The following PDE8B variants were observed in gnomAD, a reference collection of about 807,000 sequenced individuals.
The protein encoded by PDE8B is high affinity cAMP-specific and IBMX-insensitive 3',5'-cyclic phosphodiesterase 8B.
Under a neutral mutation model 101.3 loss-of-function variants are expected in PDE8B, and 26 were observed. That is an observed-to-expected ratio of 0.26 (90% confidence interval 0.19 to 0.36). PDE8B has a LOEUF of 0.36. Ranked by LOEUF, PDE8B falls within the 10% of genes least tolerant of loss-of-function variation. The probability of loss-of-function intolerance (pLI) is 1.00; values close to 1 mark genes in which losing one functional copy is unlikely to be tolerated. For synonymous variants in PDE8B, 424 were observed against 429.3 expected, an observed-to-expected ratio of 0.99 and a Z score of 0.15; for missense variants, 810 against 1,163.1, an observed-to-expected ratio of 0.70 and a Z score of 4.42.
At chr5:77,128,701 T>G in the PDE8B span, among the ~76,000 whole-genome samples, 1 of 152,246 alleles carries the variant, frequency 6.6e-6, no homozygotes, top group Non-Finnish European at 1.5e-5. Context: ...TGGAGCCAAG[T>G]GTCAGCACAC....
chr5:77,350,706 C>G (rs971143221), intron 8 of PDE8B, among the ~76,000 whole-genome samples: 3 of 152,164 alleles, frequency 2.0e-5, no homozygotes, highest in Non-Finnish European at 4.4e-5. Context: ...GTTTACCCAC[C>G]TGTAAATTTA....
At chr5:77,290,532 A>G in intron 1 of PDE8B, 2 of 1,477,102 alleles carry the variant, frequency 1.4e-6, no homozygotes, top group Non-Finnish European at 1.9e-6. Flanking sequence ...AGTAAGACAG[A>G]TTGACGATGC....
At chr5:77,259,066 A>G (rs1388299542) in intron 1 of PDE8B, among the ~76,000 whole-genome samples, 2 of 64,722 alleles carry the variant, frequency 3.1e-5, no homozygotes, top group African/African-American at 6.1e-5. Context: ...ACACACACAC[A>G]CACCCCCGCC....
the PDE8B span, among the ~76,000 whole-genome samples, chr5:77,091,135 G>A: frequency 6.6e-6 from 1 of 152,128 alleles, no homozygotes. Flanking sequence ...ATGTCATTTT[G>A]ACTTGCAATT....
Position 77,406,320 on chromosome 5 carries a change from A to G in PDE8B, c.1289-1061A>G, listed in dbSNP as rs766259399. Among the ~76,000 whole-genome samples the G allele has an allele frequency of 2.0e-5, 3 of 152,238 alleles. 1 individual carries two copies. Among genetic ancestry groups the G allele is most frequent in the Non-Finnish European group, 2.9e-5 (2 of 68,044 alleles). Reference sequence around the variant, plus strand: ...AAAAAAAATTTAAAAAGTGGCTGACATAGCAAGAACCAAAGATGCTAGAGA... The same window carrying G: ...AAAAAAAATTTAAAAAGTGGCTGACGTAGCAAGAACCAAAGATGCTAGAGA... On this transcript the variant is annotated intron_variant, in intron 12 of 21. Transcript: ENST00000264917.
At chr5:77,392,907 C>T (rs1790237704) in intron 10 of PDE8B, among the ~76,000 whole-genome samples, 1 of 152,128 alleles carries the variant, frequency 6.6e-6, no homozygotes, top group African/African-American at 2.4e-5. Flanking sequence ...ATGAGAGATA[C>T]TTAACATTAA....
the PDE8B span, chr5:77,141,601 A>C: frequency 6.6e-6 from 1 of 152,204 alleles, no homozygotes; most frequent in South Asian, 2.1e-4. Context: ...GGTCTTATTC[A>C]ACTTTGGCTA....
intron 14 of PDE8B, chr5:77,410,791 A>G (rs1190012617): frequency 6.6e-6 from 1 of 152,124 alleles, no homozygotes; most frequent in African/African-American, 2.4e-5. Flanking sequence ...TTTAAACCTT[A>G]GCACACATCG....
the PDE8B span, among the ~76,000 whole-genome samples, chr5:77,186,704 T>G: frequency 6.6e-6 from 1 of 152,106 alleles, no homozygotes; most frequent in Non-Finnish European, 1.5e-5. Flanking sequence ...GCCTCCATGA[T>G]TGGAGCAAGA....
At chr5:77,384,890 G>A (rs1460473641) in intron 10 of PDE8B, among the ~76,000 whole-genome samples, 1 of 152,124 alleles carries the variant, frequency 6.6e-6, no homozygotes. Context: ...TTTTATTGAG[G>A]ATTTTCGCAT....
At chr5:77,352,173 G>C (rs938978558) in intron 9 of PDE8B, among the ~76,000 whole-genome samples, 6 of 152,232 alleles carry the variant, frequency 3.9e-5, no homozygotes, top group African/African-American at 1.2e-4. Context: ...GAGCTGGAGA[G>C]AGGCTGCCCC....
chr5:77,209,114 T>C (rs1747765929), upstream of PDE8B, among the ~76,000 whole-genome samples: 1 of 152,208 alleles, frequency 6.6e-6, no homozygotes, highest in South Asian at 2.1e-4. Flanking sequence ...TATGAGCAAT[T>C]TGCCTGTCCA....
chr5:77,411,816 G>A lies in PDE8B; in HGVS notation c.1576+95G>A, dbSNP rs1794626523. 11 of 977,520 alleles carry A rather than the reference G, an allele frequency of 1.1e-5. No homozygotes were observed. In the East Asian group the frequency reaches 2.6e-4, roughly 24 times the overall value. The allele number at this position is 977,520 out of a possible 1,614,324, so 60.6% of individuals were successfully genotyped here. A position where few individuals can be genotyped will look rare whatever the true frequency, so the allele number is the denominator to read the frequency against. ...ATTGTTCTGGGAGGTGTTACTTCCA[G>A]CTAGTCCCATTTGAGTTTAAGCATC... is the stretch of plus-strand genomic sequence containing the variant. On this transcript the variant is annotated intron_variant, in intron 15 of 21. Coordinates refer to ENST00000264917, the MANE Select transcript of PDE8B (RefSeq NM_003719.5).
intron 1 of PDE8B, chr5:77,291,013 A>T (rs1027216984): frequency 2.5e-6 from 4 of 1,612,090 alleles, no homozygotes; most frequent in African/African-American, 1.3e-5. Flanking sequence ...GGGAGCACTC[A>T]GGTGGGAAAA....
At chr5:77,426,188 A>T (rs1581664167) in intron 21 of PDE8B, 1 of 590,668 alleles carries the variant, frequency 1.7e-6, no homozygotes, top group East Asian at 2.9e-5. Context: ...GTTGGAGGAA[A>T]ACTCTAGAAA....
intron 17 of PDE8B, among the ~76,000 whole-genome samples, chr5:77,414,791 G>C (rs1474671740): frequency 2.0e-5 from 3 of 151,998 alleles, no homozygotes; most frequent in African/African-American, 7.2e-5. Context: ...TACCAGTTGA[G>C]AACAGCACCC....
chr5:77,228,452 G>C (rs565599981), intron 1 of PDE8B, among the ~76,000 whole-genome samples: 1 of 152,296 alleles, frequency 6.6e-6, no homozygotes, highest in East Asian at 1.9e-4. Context: ...GAAGAGCATG[G>C]AACCTACCTG....
intron 1 of PDE8B, among the ~76,000 whole-genome samples, chr5:77,260,501 A>ATCAGTTGC (rs1179558183): frequency 6.6e-6 from 1 of 152,044 alleles, no homozygotes; most frequent in Non-Finnish European, 1.5e-5. Context: ...ATCCATAGAC[A>ATCAGTTGC]TCAGTTGCAT....
At chr5:77,242,253 T>C (rs1755916826) in intron 1 of PDE8B, among the ~76,000 whole-genome samples, 1 of 152,206 alleles carries the variant, frequency 6.6e-6, no homozygotes, top group Non-Finnish European at 1.5e-5. Flanking sequence ...CTGTATCCAG[T>C]GCTCTCCAAG....
Sources: allele counts gnomAD v4.1 joint callset (sites outside exome capture counted in the v4.1 genomes callset), GRCh38; gene constraint gnomAD v4.1.1; transcripts MANE v1.5; gene names NCBI Gene and HGNC (gene_info 2026-07-23, HGNC 2026-07-21).